HIF3A: variants seen among roughly 807,000 people sequenced by gnomAD.
HIF3A encodes the protein hypoxia-inducible factor 3-alpha.
In HIF3A, 41 loss-of-function variants were observed where a neutral mutation model predicts 67.2. The ratio of observed to expected loss-of-function variants is 0.61; its 90% CI spans 0.48 to 0.79. The LOEUF (loss-of-function observed/expected upper bound fraction) is 0.79, where lower values mean the gene tolerates loss of function less well. Ranked by LOEUF, HIF3A falls within the 30% of genes least tolerant of loss-of-function variation. HIF3A has a pLI of 0.00. For missense variants in HIF3A, 855 were observed against 898.0 expected (o/e 0.95, Z 0.61); for synonymous variants, 356 against 374.8 (o/e 0.95, Z 0.58).
At chr19:46,313,599 C>T (rs975695263) in intron 8 of HIF3A, among the ~76,000 whole-genome samples, 2 of 151,130 alleles carry the variant, frequency 1.3e-5, no homozygotes, top group African/African-American at 4.9e-5. Flanking sequence ...AGTTGTGTAA[C>T]CACTATCACA....
At chr19:46,335,727 C>A (rs1329113406) in intron 14 of HIF3A, among the ~76,000 whole-genome samples, 1 of 151,610 alleles carries the variant, frequency 6.6e-6, no homozygotes, top group Non-Finnish European at 1.5e-5. Flanking sequence ...CACAGCGAGA[C>A]CCTGTCTCAA....
intron 2 of HIF3A, among the ~76,000 whole-genome samples, chr19:46,304,618 GCACGTGCACGCGCGCGTGCAC>G: frequency 6.6e-6 from 1 of 151,912 alleles, no homozygotes. Flanking sequence ...GCTTTGCCAC[GCACGTGCACGCGCGCGTGCAC>G]ACACACACAT....
chr19:46,334,527 A>C (rs1383213737), intron 13 of HIF3A, among the ~76,000 whole-genome samples: 1 of 152,100 alleles, frequency 6.6e-6, no homozygotes, highest in Non-Finnish European at 1.5e-5. Flanking sequence ...GAGCCACTGC[A>C]CTTGCCCTTA....
rs540143517 is a variant in HIF3A, at chr19:46,303,832, G to A, written c.27-66G>A. 2.6e-6 allele frequency: 4 copies of A among 1,549,518 alleles called. No homozygotes were observed. The Admixed American group carries it at 5.8e-5, about 22-fold the overall frequency. The stretch of plus-strand genomic sequence containing the variant: ...CCGGCCCCACGTGGCAGCTCCCCAC[G>A]TGCTCGTCCCGTCCTCCTTTTCTCT... On this transcript the variant is annotated intron_variant, in intron 1 of 14. Transcript: ENST00000377670.
At position 46,325,586 on chromosome 19, in the gene HIF3A, T is replaced by C. The variant is rs7253301; in HGVS notation, c.1387T>C (p.Phe463Leu). 5.1e-3 allele frequency: 8,257 copies of C among 1,613,410 alleles called. 361 individuals are homozygous for C. The African/African-American group carries it at 0.095, about 19-fold the overall frequency. ...PVGTENVHRL[F>L]TSGKDTEAVE... ...GGGCACCGAGAATGTGCACAGACTC[T>C]TCACCTCCGGGAAAGACACTGAGGC... The change falls in exon 11 of 15, where the codon TTC (phenylalanine) becomes CTC (leucine). Residue 463 changes from phenylalanine to leucine, a missense_variant. By Grantham distance (22) the Phe-to-Leu change is conservative. Around this residue, in one of 3 missense-constraint regions of HIF3A, gnomAD observed 638 missense variants for 660.5 expected, o/e 0.97. Transcript: ENST00000377670.
intron 1 of HIF3A, among the ~76,000 whole-genome samples, chr19:46,298,139 C>T (rs969866018): frequency 1.3e-4 from 20 of 152,068 alleles, no homozygotes; most frequent in African/African-American, 3.9e-4. Flanking sequence ...CCCAGTAAGC[C>T]TCACCCCCTT....
chr19:46,304,522 C>T (rs980586990), intron 2 of HIF3A, among the ~76,000 whole-genome samples: 1 of 152,066 alleles, frequency 6.6e-6, no homozygotes, highest in Non-Finnish European at 1.5e-5. Context: ...CTTGTCCCTT[C>T]CCCACCCCTC....
At chr19:46,303,875 G>A in intron 1 of HIF3A, 23 bp from the exon 2 acceptor site, 1 of 1,601,908 alleles carries the variant, frequency 6.2e-7, no homozygotes, top group East Asian at 2.2e-5. Context: ...GTCACCACCA[G>A]TGAATGCTGC....
Position 46,334,647 on chromosome 19 carries a change from A to C in HIF3A, c.1831-258A>C, listed in dbSNP as rs183652577. 1.7e-3 allele frequency among the ~76,000 whole-genome samples: 262 copies of C among 152,236 alleles called. 1 individual carries two copies. The highest frequency in any genetic ancestry group is 5.6e-3 in the African/African-American group (232 of 41,532). ...ACTGCAACCTCAGCCTCCTGGTCTC[A>C]AGGGATCCTCTCACCTCAGCCTCCT... On this transcript the variant is annotated intron_variant, in intron 13 of 14. Transcript: ENST00000377670.
chr19:46,330,477 C>T (rs1334033673), intron 12 of HIF3A, among the ~76,000 whole-genome samples: 2 of 149,256 alleles, frequency 1.3e-5, no homozygotes, highest in Non-Finnish European at 3.0e-5. Context: ...ATGGATGAAT[C>T]GGATGGATGG....
Position 46,297,215 on chromosome 19 carries a change from C to T in HIF3A, c.26+113C>T, listed in dbSNP as rs1394132026. ...TCGCGGGTGCGAGCCAAGAACGCCCCGGGGCGCGCAGTTGGAGGCACATCC... is the reference window on the plus strand; with the variant it reads ...TCGCGGGTGCGAGCCAAGAACGCCCTGGGGCGCGCAGTTGGAGGCACATCC... On this transcript the variant is annotated intron_variant, in intron 1 of 14. Coordinates refer to ENST00000377670, the MANE Select transcript of HIF3A (RefSeq NM_152795.4). The surrounding 1 kb of genome is among the most constrained non-coding windows in gnomAD (Gnocchi z 4.5). 6.4e-6 allele frequency: 4 copies of T among 629,486 alleles called. No individual in the cohort carries two copies. The highest frequency in any genetic ancestry group is 3.2e-5 in the East Asian group (1 of 31,716). 39.0% of individuals were successfully genotyped at this position (629,486 alleles called of 1,614,324 possible). A position where few individuals can be genotyped will look rare whatever the true frequency, so the allele number is the denominator to read the frequency against.
Position 46,339,972 on chromosome 19 carries a change from G to T in HIF3A, c.*350G>T. The stretch of plus-strand genomic sequence containing the variant: ...ATCAGGGGTGAGGAGGGTTGGGGGG[G>T]TCATATCTGTGTTTCCAGGTTCTGG... On this transcript the variant is annotated 3_prime_UTR_variant, in exon 15 of 15. Coordinates refer to ENST00000377670, the MANE Select transcript of HIF3A (RefSeq NM_152795.4). The T allele has an allele frequency of 4.2e-6, 1 of 237,754 alleles. No individual in the cohort carries two copies. Among genetic ancestry groups the T allele is most frequent in the Non-Finnish European group, 8.1e-6 (1 of 124,176 alleles). 14.7% of individuals were successfully genotyped at this position (237,754 alleles called of 1,614,324 possible). A position where few individuals can be genotyped will look rare whatever the true frequency, so the allele number is the denominator to read the frequency against.
intron 11 of HIF3A, 25 bp downstream of exon 11, chr19:46,325,664 A>T: frequency 6.8e-7 from 1 of 1,476,902 alleles, no homozygotes; most frequent in Non-Finnish European, 9.5e-7. Flanking sequence ...GGAAGGGAGT[A>T]ATCCTCAGCC....
rs1396169948 is a variant in HIF3A, at chr19:46,339,971, G to C, written c.*349G>C. 4.2e-6 allele frequency: 1 copy of C among 239,190 alleles called. No individual in the cohort carries two copies. The highest frequency in any genetic ancestry group is 8.0e-6 in the Non-Finnish European group (1 of 125,158). The allele number at this position is 239,190 out of a possible 1,614,324, so 14.8% of individuals were successfully genotyped here. On this transcript the variant is annotated 3_prime_UTR_variant, in exon 15 of 15. Coordinates refer to ENST00000377670, the MANE Select transcript of HIF3A (RefSeq NM_152795.4). ...AATCAGGGGTGAGGAGGGTTGGGGG[G>C]GTCATATCTGTGTTTCCAGGTTCTG...
At position 46,325,632 on chromosome 19, in the gene HIF3A, T is replaced by C. The variant is rs1217338137; in HGVS notation, c.1433T>C (p.Ile478Thr). 1.2e-6 allele frequency: 2 copies of C among 1,606,398 alleles called. No homozygotes were observed. The highest frequency in any genetic ancestry group is 8.5e-7 in the Non-Finnish European group (1 of 1,173,632). The change falls in exon 11 of 15, where the codon ATA becomes ACA. Residue 478 changes from isoleucine to threonine, a missense_variant. Physicochemically the swap from Ile to Thr is moderately conservative, Grantham distance 89 (BLOSUM62 -1). Transcript: ENST00000377670. The part of the protein sequence containing the change: ...DTEAVETDLD[I>T]AQDADALDLE... Reference sequence around the variant, plus strand: ...GAGGCAGTGGAGACAGATTTAGATATAGCTCAGGTAAGGGCTGGCATGGAA... The same window carrying C: ...GAGGCAGTGGAGACAGATTTAGATACAGCTCAGGTAAGGGCTGGCATGGAA...
In HIF3A at chr19:46,312,624, G is replaced by C. The variant is rs766484950; in HGVS notation, c.996G>C (p.Glu332Asp). 4 of 1,579,242 alleles carry C rather than the reference G, an allele frequency of 2.5e-6. No homozygotes were observed. Among genetic ancestry groups the C allele is most frequent in the South Asian group, 2.3e-5 (2 of 86,194 alleles). Residue 332 changes from glutamate (E) to aspartate (D), a missense_variant, in exon 8 of 15, where the codon GAG becomes GAC. By Grantham distance (45) the Glu-to-Asp change is conservative. Around this residue, in one of 3 missense-constraint regions of HIF3A, gnomAD observed 638 missense variants for 660.5 expected, o/e 0.97. Coordinates refer to ENST00000377670, the MANE Select transcript of HIF3A (RefSeq NM_152795.4). Reference protein sequence around the residue: ...VVSGGRGPQSESIVCVHFLIS... With the variant: ...VVSGGRGPQSDSIVCVHFLIS... ...CAGGGGGACGGGGCCCCCAGTCGGA[G>C]AGTATCGTCTGTGTCCATTTTTTAA...
chr19:46,312,837 G>T, intron 8 of HIF3A, 184 bp downstream of exon 8: 1 of 1,310,628 alleles, frequency 7.6e-7, no homozygotes, highest in Admixed American at 3.8e-5. Flanking sequence ...GCCGGTGTGT[G>T]TGTCTGCATG....
Position 46,297,177 on chromosome 19 carries a change from G to T in HIF3A, c.26+75G>T, listed in dbSNP as rs902980934. 7 of 734,374 alleles carry T rather than the reference G, an allele frequency of 9.5e-6. No individual in the cohort carries two copies. The highest frequency in any genetic ancestry group is 1.4e-5 in the Non-Finnish European group (7 of 515,238). The allele number at this position is 734,374 out of a possible 1,614,324, so 45.5% of individuals were successfully genotyped here. A position where few individuals can be genotyped will look rare whatever the true frequency, so the allele number is the denominator to read the frequency against. Reference sequence around the variant, plus strand: ...TGGAGACCCCTGAGCTGGATTGTTGGGGGGGGTGGGGTTCGCGGGTGCGAG... The same window carrying T: ...TGGAGACCCCTGAGCTGGATTGTTGTGGGGGGTGGGGTTCGCGGGTGCGAG... On this transcript the variant is annotated intron_variant, in intron 1 of 14. Transcript: ENST00000377670. The surrounding 1 kb of genome is among the most constrained non-coding windows in gnomAD (Gnocchi z 4.5).
intron 8 of HIF3A, chr19:46,312,881 A>ATTTTTTTTT: frequency 1.1e-6 from 1 of 944,356 alleles, no homozygotes; most frequent in African/African-American, 2.4e-5. Flanking sequence ...GTAGACTGTT[A>ATTTTTTTTT]ATTTTTTTTT....
Sources: allele counts gnomAD v4.1 joint callset (sites outside exome capture counted in the v4.1 genomes callset), GRCh38; gene constraint gnomAD v4.1.1; regional missense constraint gnomAD v4.1.1; non-coding constraint Gnocchi (gnomAD v3.1); transcripts MANE v1.5; gene names NCBI Gene and HGNC (gene_info 2026-07-23, HGNC 2026-07-21).